The following MBOAT2 variants were observed in gnomAD, a reference collection of about 807,000 sequenced individuals.
The protein encoded by MBOAT2 is membrane bound glycerophospholipid O-acyltransferase 2.
Under a neutral mutation model 63.4 loss-of-function variants are expected in MBOAT2, and 28 were observed. That is an observed-to-expected ratio of 0.44 (90% CI 0.33 to 0.61). The LOEUF is 0.61. MBOAT2 is among the 20% of genes least tolerant of loss of function. The pLI is 0.03. For missense variants in MBOAT2, 470 were observed against 605.8 expected (o/e 0.78, Z 2.35); for synonymous variants, 211 against 215.6 (o/e 0.98, Z 0.19).
intron 4 of MBOAT2, among the ~76,000 whole-genome samples, 161 bp from the exon 5 acceptor site, chr2:8,888,234 T>C (rs1663709428): frequency 1.3e-5 from 2 of 152,220 alleles, no homozygotes; most frequent in African/African-American, 2.4e-5. Flanking sequence ...TCAGAAGTTA[T>C]GTATTTGAGG....
At chr2:8,985,561 A>G (rs62119993) in intron 1 of MBOAT2, among the ~76,000 whole-genome samples, 7,457 of 152,214 alleles carry the variant, frequency 0.049, 186 homozygotes, top group Middle Eastern at 0.058. Flanking sequence ...CTTCTTTTCC[A>G]GTCCTCCCCG....
rs11893234 is a variant in MBOAT2 at position 8,988,516 on chromosome 2, G to A, written c.75+15024C>T. On this transcript the variant is annotated intron_variant, in intron 1 of 12. Coordinates refer to ENST00000305997, the MANE Select transcript of MBOAT2 (RefSeq NM_138799.4). ...AGACTAGGGAAACAAATGAGTTAAT[G>A]TGAGTATTGAGAAAGGATTCATTAT... is the stretch of plus-strand genomic sequence containing the variant. Among the ~76,000 whole-genome samples, 266 of 152,264 alleles carry A rather than the reference G, an allele frequency of 1.7e-3. 1 individual carries two copies. Among genetic ancestry groups the A allele is most frequent in the African/African-American group, 6.2e-3 (259 of 41,564 alleles).
intron 1 of MBOAT2, among the ~76,000 whole-genome samples, chr2:8,995,621 C>T (rs890594190): frequency 1.4e-5 from 2 of 138,818 alleles, no homozygotes; most frequent in Non-Finnish European, 3.0e-5. Flanking sequence ...GACGGAGTCT[C>T]GCTCTGTCAC....
chr2:8,899,278 G>A (rs1664732705), intron 4 of MBOAT2, among the ~76,000 whole-genome samples: 1 of 152,144 alleles, frequency 6.6e-6, no homozygotes, highest in Non-Finnish European at 1.5e-5. Flanking sequence ...TAAGGGTGTG[G>A]GACTTTCAGG....
chr2:8,868,464 C>T lies in MBOAT2; in HGVS notation c.969G>A (p.Leu323=). The change falls in exon 9 of 13, where the codon TTG becomes TTA. Residue 323 remains leucine (L), a synonymous_variant. Coordinates refer to ENST00000305997, the MANE Select transcript of MBOAT2 (RefSeq NM_138799.4). ...GAARWDLISN[L]RIQQIEMSTS... is the part of the protein sequence containing the mutation. ...GACTCACCTCTATTTGTTGAATTCT[C>T]AAATTGGAAATTAAGTCCCAGCGAG... 6.2e-7 allele frequency: 1 copy of T among 1,613,838 alleles called. No homozygotes were observed. Among genetic ancestry groups the T allele is most frequent in the Non-Finnish European group, 8.5e-7 (1 of 1,179,872 alleles).
chr2:8,958,783 G>C, intron 1 of MBOAT2, 141 bp from the exon 2 acceptor site: 2 of 834,030 alleles, frequency 2.4e-6, no homozygotes, highest in Non-Finnish European at 1.8e-6. Flanking sequence ...AACAAAAATT[G>C]AGGGAAATCC....
At position 8,852,770 on chromosome 2, in the gene MBOAT2, A is replaced by G. The variant is rs142947532; in HGVS notation, c.*5909T>C. 370 of 152,338 alleles carry G rather than the reference A, an allele frequency of 2.4e-3. No homozygotes were observed. Among genetic ancestry groups the G allele is most frequent in the African/African-American group, 8.6e-3 (358 of 41,584 alleles). The allele number at this position is 152,338 out of a possible 1,614,324, so 9.4% of individuals were successfully genotyped here. ...ACATGTCCTAAACATGTTACATGTA[A>G]GTTAAAAACACCTTTAAAAACCAGC... On this transcript the variant is annotated 3_prime_UTR_variant, in exon 13 of 13. Transcript: ENST00000305997.
chr2:8,952,895 G>A (rs191902171), intron 2 of MBOAT2, among the ~76,000 whole-genome samples: 128 of 152,178 alleles, frequency 8.4e-4, no homozygotes, highest in Admixed American at 1.4e-3. Context: ...CTTGAAAACC[G>A]CAGAAGAATG....
chr2:8,931,745 CT>C (rs1667331035), intron 3 of MBOAT2, among the ~76,000 whole-genome samples: 1 of 152,046 alleles, frequency 6.6e-6, no homozygotes, highest in African/African-American at 2.4e-5. Flanking sequence ...TTTAATCCAT[CT>C]TCAGTTAATT....
At chr2:8,873,366 ATCG>A in intron 7 of MBOAT2, 66 bp from the exon 8 acceptor site, 2 of 1,479,472 alleles carry the variant, frequency 1.4e-6, no homozygotes, top group Non-Finnish European at 1.8e-6. Context: ...TCTATGTATT[ATCG>A]ACAGATTAAT....
In MBOAT2 at chr2:8,862,429, G is replaced by A. The variant is rs1005678122; in HGVS notation, c.1185+161C>T. 4.2e-5 allele frequency: 55 copies of A among 1,312,806 alleles called. No individual in the cohort carries two copies. In the African/African-American group the frequency reaches 6.6e-4, roughly 16 times the overall value. 81.3% of individuals were successfully genotyped at this position (1,312,806 alleles called of 1,614,324 possible). ...GCATGGAGCCTAGCCCGTGGTGAGC[G>A]CTCAGCAAACATGCACGCAGTACAC... On this transcript the variant is annotated intron_variant, in intron 11 of 12. Coordinates refer to ENST00000305997, the MANE Select transcript of MBOAT2 (RefSeq NM_138799.4). The surrounding 1 kb of genome is among the most constrained non-coding windows in gnomAD (Gnocchi z 4.3).
rs1661168182 is a variant in MBOAT2, at chr2:8,857,385, G to A, written c.*1294C>T. The A allele has an allele frequency of 6.6e-6, 1 of 152,474 alleles. No individual in the cohort carries two copies. The highest frequency in any genetic ancestry group is 2.4e-5 in the African/African-American group (1 of 41,416). The allele number at this position is 152,474 out of a possible 1,614,324, so 9.4% of individuals were successfully genotyped here. On this transcript the variant is annotated 3_prime_UTR_variant, in exon 13 of 13. Transcript: ENST00000305997. Reference sequence around the variant, plus strand: ...CACCACAGTCCTCTGTGGGATCGCAGGAGATGCTTAGTAATCCAAGGCAAG... The same window carrying A: ...CACCACAGTCCTCTGTGGGATCGCAAGAGATGCTTAGTAATCCAAGGCAAG...
At chr2:8,863,575 A>G (rs1661643854) in intron 10 of MBOAT2, among the ~76,000 whole-genome samples, 1 of 152,120 alleles carries the variant, frequency 6.6e-6, no homozygotes, top group South Asian at 2.1e-4. Context: ...CCACACTTGT[A>G]GGAAGTTCTT....
At chr2:8,877,973 G>C (rs756266199) in intron 6 of MBOAT2, among the ~76,000 whole-genome samples, 1 of 152,228 alleles carries the variant, frequency 6.6e-6, no homozygotes, top group Admixed American at 6.5e-5. Flanking sequence ...AGGAACTTCA[G>C]ATTTTATTCT....
chr2:8,877,879 A>G (rs1052775632), intron 6 of MBOAT2, among the ~76,000 whole-genome samples: 3 of 152,116 alleles, frequency 2.0e-5, no homozygotes. Flanking sequence ...GTGGGGCTGG[A>G]GCAGAGTGGA....
At chr2:8,990,581 C>G (rs190740458) in intron 1 of MBOAT2, among the ~76,000 whole-genome samples, 4 of 152,224 alleles carry the variant, frequency 2.6e-5, no homozygotes, top group Admixed American at 2.6e-4. Flanking sequence ...AAGTAAAACT[C>G]TGAGTATATG....
chr2:8,867,787 T>C (rs937113803), intron 9 of MBOAT2, among the ~76,000 whole-genome samples: 1 of 152,232 alleles, frequency 6.6e-6, no homozygotes, highest in Non-Finnish European at 1.5e-5. Context: ...CAAAACATCC[T>C]CCTAACAGAG....
chr2:8,985,131 A>G (rs965841037), intron 1 of MBOAT2, among the ~76,000 whole-genome samples: 1 of 152,208 alleles, frequency 6.6e-6, no homozygotes, highest in African/African-American at 2.4e-5. Flanking sequence ...CGGCTTTAAG[A>G]TATGCAAATC....
chr2:8,989,268 C>T (rs1283200048), intron 1 of MBOAT2, among the ~76,000 whole-genome samples: 4 of 152,178 alleles, frequency 2.6e-5, no homozygotes, highest in African/African-American at 9.7e-5. Flanking sequence ...ACCTGACACC[C>T]ATCAGCCCGT....
Sources: gnomAD v4.1 joint callset for allele counts (sites outside exome capture counted in the v4.1 genomes callset) on GRCh38, gnomAD v4.1.1 for gene constraint, Gnocchi (gnomAD v3.1) non-coding constraint, MANE v1.5 for transcripts, NCBI Gene and HGNC (gene_info 2026-07-23, HGNC 2026-07-21) for gene names.